The following ZNF134 variants were observed in gnomAD, a reference collection of about 807,000 sequenced individuals.
ZNF134 encodes zinc finger protein 134 (clone pHZ-15).
A neutral mutation model predicts 2.5 loss-of-function variants in ZNF134; 5 were observed. The observed-to-expected ratio is 2.03, with a 90% CI of 1.06 to 4.27. The LOEUF (loss-of-function observed/expected upper bound fraction) is 4.27, where lower values mean the gene tolerates loss of function less well. ZNF134 is among the 30% of genes most tolerant of loss of function. The probability of loss-of-function intolerance (pLI) is 0.00; values close to 1 mark genes in which losing one functional copy is unlikely to be tolerated. For synonymous variants in ZNF134, 176 were observed against 176.2 expected (o/e 1.00, Z 0.01); for missense variants, 540 against 517.5 (o/e 1.04, Z -0.42).
chr19:57,620,571 AG>A lies in ZNF134; in HGVS notation c.454del (p.Ala152ProfsTer124), dbSNP rs780862744. 23 of 1,614,232 alleles carry A rather than the reference AG, an allele frequency of 1.4e-5. No individual in the cohort carries two copies. The highest frequency in any genetic ancestry group is 1.9e-5 in the Non-Finnish European group (23 of 1,180,042). ...GCTACTTTGGGTGGCTGCCAACAAA[AG>A]GCCATCCACAGTAAGAGGAAGACAC... is the stretch of plus-strand genomic sequence containing the variant. ...FQATLGGCQQ[K>X]AIHSKRKTHR... On this transcript the variant is annotated frameshift_variant, in exon 3 of 3. Transcript: ENST00000396161. LOFTEE classifies it low-confidence loss of function (END_TRUNC).
Position 57,621,386 on chromosome 19 carries a change from A to G in ZNF134, c.1267A>G (p.Thr423Ala). 1.9e-6 allele frequency: 3 copies of G among 1,613,744 alleles called. No homozygotes were observed. The highest frequency in any genetic ancestry group is 2.5e-6 in the Non-Finnish European group (3 of 1,179,996). The change falls in exon 3 of 3, where the codon ACT becomes GCT. Residue 423 changes from threonine (T) to alanine (A), a missense_variant. Coordinates refer to ENST00000396161, the MANE Select transcript of ZNF134 (RefSeq NM_003435.5). ...SHLNRHQKVH[T>A]AGRL ...CCTCAATCGGCACCAGAAAGTTCAC[A>G]CTGCAGGCAGGCTTTAGGAGTGCTT...
rs973400082 is a variant in ZNF134 at position 57,621,751 on chromosome 19, G to A, written c.*348G>A. 18 of 393,156 alleles carry A rather than the reference G, an allele frequency of 4.6e-5. No individual in the cohort carries two copies. Among genetic ancestry groups the A allele is most frequent in the Non-Finnish European group, 7.8e-5 (16 of 206,050 alleles). 24.4% of individuals were successfully genotyped at this position (393,156 alleles called of 1,614,324 possible). A position where few individuals can be genotyped will look rare whatever the true frequency, so the allele number is the denominator to read the frequency against. On this transcript the variant is annotated 3_prime_UTR_variant, in exon 3 of 3. Transcript: ENST00000396161. ...ATATGACCCATTTTTAGCCAAGAGGGTCTGAGCTGTATCTGCTGGTGGCTT... is the reference window on the plus strand; with the variant it reads ...ATATGACCCATTTTTAGCCAAGAGGATCTGAGCTGTATCTGCTGGTGGCTT...
intron 1 of ZNF134, among the ~76,000 whole-genome samples, chr19:57,615,949 C>A (rs894890183): frequency 5.9e-5 from 9 of 152,178 alleles, no homozygotes; most frequent in African/African-American, 1.9e-4. Flanking sequence ...CAGGCTAAAC[C>A]TTTGAAGAGG....
chr19:57,616,292 G>T (rs555164339), intron 1 of ZNF134, among the ~76,000 whole-genome samples: 1 of 152,346 alleles, frequency 6.6e-6, no homozygotes, highest in South Asian at 2.1e-4. Flanking sequence ...AAAAATGTAT[G>T]TACAAAGTAA....
At chr19:57,615,652 G>A (rs1416512183) in intron 1 of ZNF134, among the ~76,000 whole-genome samples, 1 of 152,204 alleles carries the variant, frequency 6.6e-6, no homozygotes, top group African/African-American at 2.4e-5. Flanking sequence ...CTTCCTCTGT[G>A]TCACTCCCCC....
At chr19:57,619,723 GCTCT>G (rs1347585829) in intron 2 of ZNF134, 5 of 590,770 alleles carry the variant, frequency 8.5e-6, no homozygotes, top group Middle Eastern at 4.4e-4. Context: ...TAGAGCAATA[GCTCT>G]CTCTGCGATG....
intron 1 of ZNF134, among the ~76,000 whole-genome samples, 157 bp downstream of exon 1, chr19:57,614,660 C>T (rs1239884119): frequency 6.6e-6 from 1 of 152,134 alleles, no homozygotes; most frequent in East Asian, 1.9e-4. Context: ...GCAGCCTGAG[C>T]ATAGGTTTGG....
Position 57,614,475 on chromosome 19 carries a change from C to A in ZNF134, c.-86C>A. ...CCGGGTGGTCTACGAACTGTGATGG[C>A]GGCGGCCGCGGTGATGGGCCCGGCG... On this transcript the variant is annotated 5_prime_UTR_variant, in exon 1 of 3. Transcript: ENST00000396161. 5.0e-6 allele frequency: 2 copies of A among 401,512 alleles called. No homozygotes were observed. The highest frequency in any genetic ancestry group is 2.8e-5 in the Admixed American group (1 of 35,554). The allele number at this position is 401,512 out of a possible 1,614,324, so 24.9% of individuals were successfully genotyped here. A position where few individuals can be genotyped will look rare whatever the true frequency, so the allele number is the denominator to read the frequency against.
rs1434053298 is a variant in ZNF134 at position 57,614,403 on chromosome 19, G to A, written c.-158G>A. Reference sequence around the variant, plus strand: ...GACCCCGCCTGCGCCCCCGGGGACGGACGACCGCGGTGCCAGGGTCCCGCG... The same window carrying A: ...GACCCCGCCTGCGCCCCCGGGGACGAACGACCGCGGTGCCAGGGTCCCGCG... On this transcript the variant is annotated 5_prime_UTR_variant, in exon 1 of 3. Coordinates refer to ENST00000396161, the MANE Select transcript of ZNF134 (RefSeq NM_003435.5). 2.2e-6 allele frequency: 1 copy of A among 451,522 alleles called. No homozygotes were observed. The highest frequency in any genetic ancestry group is 7.1e-5 in the East Asian group (1 of 14,042). The allele number at this position is 451,522 out of a possible 1,614,324, so 28.0% of individuals were successfully genotyped here.
chr19:57,617,477 T>G (rs540090835), intron 1 of ZNF134, among the ~76,000 whole-genome samples: 1 of 152,132 alleles, frequency 6.6e-6, no homozygotes, highest in Admixed American at 6.5e-5. Flanking sequence ...TGAGAAGATA[T>G]AAAGATGCCA....
chr19:57,621,625 G>C lies in ZNF134; in HGVS notation c.*222G>C, dbSNP rs538056580. The C allele has an allele frequency of 1.3e-6, 1 of 772,430 alleles. No individual in the cohort carries two copies. The highest frequency in any genetic ancestry group is 1.7e-5 in the African/African-American group (1 of 59,370). The allele number at this position is 772,430 out of a possible 1,614,324, so 47.8% of individuals were successfully genotyped here. On this transcript the variant is annotated 3_prime_UTR_variant, in exon 3 of 3. Transcript: ENST00000396161. ...CCAGCTAAGATACCCCAGCATTGGG[G>C]AAGGCAGGGTTTTGTATTGTCCAGT...
chr19:57,620,772 C>G lies in ZNF134; in HGVS notation c.653C>G (p.Thr218Arg). The change falls in exon 3 of 3, where the codon ACA (threonine) becomes AGA (arginine). Residue 218 changes from threonine (T) to arginine (R), a missense_variant. Thr to Arg is a moderately conservative substitution (Grantham distance 71). Coordinates refer to ENST00000396161, the MANE Select transcript of ZNF134 (RefSeq NM_003435.5). Reference protein sequence around the residue: ...ECGKAFSRKATLVQHQRIHTG... With the variant: ...ECGKAFSRKARLVQHQRIHTG... ...GGGAAAGCCTTCAGCCGCAAAGCTA[C>G]ACTTGTCCAGCATCAGAGAATCCAT... 1 of 1,613,838 alleles carries G rather than the reference C, an allele frequency of 6.2e-7. No homozygotes were observed. Among genetic ancestry groups the G allele is most frequent in the Non-Finnish European group, 8.5e-7 (1 of 1,179,738 alleles).
In ZNF134 at chr19:57,623,419, A is replaced by G. The variant is rs897554928; in HGVS notation, c.*2016A>G. On this transcript the variant is annotated 3_prime_UTR_variant, in exon 3 of 3. Coordinates refer to ENST00000396161, the MANE Select transcript of ZNF134 (RefSeq NM_003435.5). ...GAACATTTTTAAGCAGAGGTTTTGA[A>G]GGTGTGACCATATATCTTACTAATT... The G allele has an allele frequency of 7.2e-5, 11 of 152,202 alleles. No homozygotes were observed. Among genetic ancestry groups the G allele is most frequent in the Admixed American group, 5.9e-4 (9 of 15,280 alleles). 9.4% of individuals were successfully genotyped at this position (152,202 alleles called of 1,614,324 possible).
At position 57,620,510 on chromosome 19, in the gene ZNF134, C is replaced by G. The variant is rs144117153; in HGVS notation, c.391C>G (p.Pro131Ala). Residue 131 changes from proline to alanine, a missense_variant, in exon 3 of 3, where the codon CCC becomes GCC. Physicochemically the swap from Pro to Ala is conservative, Grantham distance 27. Transcript: ENST00000396161. ...VSKEPHPSEKPFTCKEEQKNF... is the reference protein window; with the variant it reads ...VSKEPHPSEKAFTCKEEQKNF... Reference sequence around the variant, plus strand: ...CAAAGAACCTCATCCGTCAGAGAAGCCCTTTACGTGTAAGGAGGAGCAGAA... The same window carrying G: ...CAAAGAACCTCATCCGTCAGAGAAGGCCTTTACGTGTAAGGAGGAGCAGAA... 35 of 1,614,212 alleles carry G rather than the reference C, an allele frequency of 2.2e-5. No homozygotes were observed. The African/African-American group carries it at 3.9e-4, about 18-fold the overall frequency.
Position 57,614,485 on chromosome 19 carries a change from G to C in ZNF134, c.-76G>C. 2.5e-6 allele frequency: 1 copy of C among 397,922 alleles called. No individual in the cohort carries two copies. The allele number at this position is 397,922 out of a possible 1,614,324, so 24.6% of individuals were successfully genotyped here. ...TACGAACTGTGATGGCGGCGGCCGC[G>C]GTGATGGGCCCGGCGCAGGTGGGTG... is the stretch of plus-strand genomic sequence containing the variant. On this transcript the variant is annotated 5_prime_UTR_variant, in exon 1 of 3. Coordinates refer to ENST00000396161, the MANE Select transcript of ZNF134 (RefSeq NM_003435.5).
At position 57,620,586 on chromosome 19, in the gene ZNF134, A is replaced by C. The variant is rs1323334890; in HGVS notation, c.467A>C (p.Lys156Thr). 5 of 1,614,220 alleles carry C rather than the reference A, an allele frequency of 3.1e-6. No homozygotes were observed. Among genetic ancestry groups the C allele is most frequent in the Non-Finnish European group, 4.2e-6 (5 of 1,180,038 alleles). Residue 156 changes from lysine to threonine, a missense_variant, in exon 3 of 3, where the codon AAG becomes ACG. Transcript: ENST00000396161. Reference protein sequence around the residue: ...GGCQQKAIHSKRKTHRSTESG... With the variant: ...GGCQQKAIHSTRKTHRSTESG... ...TGCCAACAAAAGGCCATCCACAGTA[A>C]GAGGAAGACACACAGGAGCACTGAG...
chr19:57,616,472 T>C (rs1378364017), intron 1 of ZNF134, among the ~76,000 whole-genome samples: 1 of 152,222 alleles, frequency 6.6e-6, no homozygotes, highest in African/African-American at 2.4e-5. Flanking sequence ...GTAGTAGCTG[T>C]TTCAAAGGCA....
chr19:57,619,547 G>A, intron 2 of ZNF134, 39 bp downstream of exon 2: 1 of 1,559,882 alleles, frequency 6.4e-7, no homozygotes, highest in Non-Finnish European at 8.7e-7. Context: ...CTCAGGGCTG[G>A]GTTCCTGTAG....
rs927138295 is a variant in ZNF134, at chr19:57,623,388, A to G, written c.*1985A>G. On this transcript the variant is annotated 3_prime_UTR_variant, in exon 3 of 3. Transcript: ENST00000396161. ...TGCATGAGTCTTTATGTGGACACTTAGCTGAGAACATTTTTAAGCAGAGGT... is the reference window on the plus strand; with the variant it reads ...TGCATGAGTCTTTATGTGGACACTTGGCTGAGAACATTTTTAAGCAGAGGT... 3 of 152,214 alleles carry G rather than the reference A, an allele frequency of 2.0e-5. No individual in the cohort carries two copies. The highest frequency in any genetic ancestry group is 7.2e-5 in the African/African-American group (3 of 41,450). 9.4% of individuals were successfully genotyped at this position (152,214 alleles called of 1,614,324 possible).
Sources: gnomAD v4.1 joint callset for allele counts (sites outside exome capture counted in the v4.1 genomes callset) on GRCh38, gnomAD v4.1.1 for gene constraint, MANE v1.5 for transcripts, NCBI Gene and HGNC (gene_info 2026-07-23, HGNC 2026-07-21) for gene names.